Variants in GNAT3 observed in about 807,000 individuals in gnomAD.
The protein encoded by GNAT3 is guanine nucleotide-binding protein G(t) subunit alpha-3.
In GNAT3, 31 loss-of-function variants were observed where a neutral mutation model predicts 37.7. The ratio of observed to expected loss-of-function variants is 0.82; its 90% confidence interval spans 0.62 to 1.11. GNAT3 has a LOEUF of 1.11. Among genes scored for constraint, GNAT3 ranks in the 50% most tolerant of loss-of-function variants. GNAT3 has a pLI of 0.00. For missense variants in GNAT3, 437 were observed against 412.5 expected (o/e 1.06, Z -0.51); for synonymous variants, 138 against 139.8 (o/e 0.99, Z 0.09).
intron 5 of GNAT3, among the ~76,000 whole-genome samples, chr7:80,465,753 C>CA (rs1489341989): frequency 1.3e-5 from 2 of 151,848 alleles, no homozygotes; most frequent in East Asian, 3.9e-4. Context: ...GGTCACTGGG[C>CA]AAAAAAATTA....
At chr7:80,467,238 T>C (rs1230381946) in intron 5 of GNAT3, among the ~76,000 whole-genome samples, 1 of 152,144 alleles carries the variant, frequency 6.6e-6, no homozygotes, top group Admixed American at 6.5e-5. Flanking sequence ...TAGCATTTTG[T>C]TCATATAGAT....
chr7:80,462,123 A>G, intron 7 of GNAT3, 36 bp downstream of exon 7: 3 of 1,326,454 alleles, frequency 2.3e-6, no homozygotes, highest in Non-Finnish European at 3.1e-6. Flanking sequence ...TTATACAAAA[A>G]TTTATTTCTA....
At chr7:80,500,770 C>T (rs1031555161) in intron 1 of GNAT3, among the ~76,000 whole-genome samples, 1 of 151,954 alleles carries the variant, frequency 6.6e-6, no homozygotes, top group Non-Finnish European at 1.5e-5. Flanking sequence ...TATTTTTTGG[C>T]ACCTCCTGAC....
At chr7:80,469,912 TCTAA>T (rs937869204) in intron 5 of GNAT3, among the ~76,000 whole-genome samples, 4 of 152,220 alleles carry the variant, frequency 2.6e-5, no homozygotes, top group Admixed American at 2.6e-4. Flanking sequence ...TCTTAATTGC[TCTAA>T]CTAAACTTAA....
intron 3 of GNAT3, among the ~76,000 whole-genome samples, chr7:80,482,273 T>C (rs1194907137): frequency 1.3e-5 from 2 of 152,276 alleles, no homozygotes; most frequent in East Asian, 3.9e-4. Flanking sequence ...TTCAGTGAAA[T>C]ATGCTCTGGT....
intron 2 of GNAT3, among the ~76,000 whole-genome samples, chr7:80,492,031 A>G (rs10250561): frequency 6.6e-6 from 1 of 151,982 alleles, no homozygotes; most frequent in South Asian, 2.1e-4. Flanking sequence ...ATCATACTTG[A>G]GATTAAAATG....
chr7:80,489,707 G>T (rs771993340), intron 2 of GNAT3, among the ~76,000 whole-genome samples: 59 of 152,120 alleles, frequency 3.9e-4, no homozygotes, highest in Middle Eastern at 3.4e-3. Context: ...TTGTCTTGCT[G>T]CATTAAACCA....
intron 2 of GNAT3, among the ~76,000 whole-genome samples, chr7:80,494,106 T>C (rs965951256): frequency 2.0e-5 from 3 of 152,208 alleles, no homozygotes; most frequent in African/African-American, 7.2e-5. Flanking sequence ...CTTTTGTCAT[T>C]ATTTCCTTAT....
At chr7:80,496,596 A>T (rs1430683481) in intron 1 of GNAT3, among the ~76,000 whole-genome samples, 1 of 152,208 alleles carries the variant, frequency 6.6e-6, no homozygotes, top group East Asian at 1.9e-4. Flanking sequence ...CTGCAAAGTA[A>T]ATTTCACGTT....
At chr7:80,487,683 T>G (rs1790514735) in intron 3 of GNAT3, 1 of 152,146 alleles carries the variant, frequency 6.6e-6, no homozygotes. Flanking sequence ...ATTGTTTCTA[T>G]AGCAAGGTTT....
At chr7:80,462,079 A>G in intron 7 of GNAT3, 80 bp downstream of exon 7, 1 of 893,946 alleles carries the variant, frequency 1.1e-6, no homozygotes, top group East Asian at 2.7e-5. Context: ...CCTCATAAGT[A>G]TTAAATGTCA....
intron 1 of GNAT3, among the ~76,000 whole-genome samples, chr7:80,505,918 C>T (rs1308815493): frequency 6.6e-6 from 1 of 152,090 alleles, no homozygotes; most frequent in Non-Finnish European, 1.5e-5. Flanking sequence ...TTATTGAAAG[C>T]AATGGCAAAA....
chr7:80,471,595 T>C, intron 5 of GNAT3, among the ~76,000 whole-genome samples: 1 of 152,088 alleles, frequency 6.6e-6, no homozygotes, highest in East Asian at 1.9e-4. Context: ...GCTGTCATTT[T>C]ATCCTCCCTC....
intron 1 of GNAT3, among the ~76,000 whole-genome samples, chr7:80,497,807 T>A (rs569290765): frequency 1.3e-5 from 2 of 151,984 alleles, no homozygotes; most frequent in East Asian, 3.9e-4. Context: ...ACCAAAGTAT[T>A]CAACTAGAAA....
At chr7:80,492,449 CCTT>C (rs1370593339) in intron 2 of GNAT3, among the ~76,000 whole-genome samples, 2 of 151,634 alleles carry the variant, frequency 1.3e-5, no homozygotes, top group Non-Finnish European at 2.9e-5. Context: ...CATATTAAAA[CCTT>C]CTCATATACA....
intron 1 of GNAT3, among the ~76,000 whole-genome samples, chr7:80,497,097 T>C (rs1790730641): frequency 6.6e-6 from 1 of 152,182 alleles, no homozygotes. Context: ...ACAAAGTTGA[T>C]AGATGCAAAA....
At chr7:80,504,920 T>C (rs976115903) in intron 1 of GNAT3, among the ~76,000 whole-genome samples, 1 of 152,120 alleles carries the variant, frequency 6.6e-6, no homozygotes, top group African/African-American at 2.4e-5. Flanking sequence ...TAGAAGAAAA[T>C]GAATAAGTAA....
chr7:80,508,352 G>A (rs1182985958), intron 1 of GNAT3, among the ~76,000 whole-genome samples: 1 of 151,660 alleles, frequency 6.6e-6, no homozygotes, highest in East Asian at 1.9e-4. Flanking sequence ...GAGGAGAAAG[G>A]AAAAATGGAA....
chr7:80,502,608 G>A (rs189691352), intron 1 of GNAT3, among the ~76,000 whole-genome samples: 17 of 151,954 alleles, frequency 1.1e-4, no homozygotes, highest in African/African-American at 3.9e-4. Flanking sequence ...TAAGGAAAAT[G>A]GAGGATTGAA....
Sources: allele counts gnomAD v4.1 joint callset (sites outside exome capture counted in the v4.1 genomes callset), GRCh38; gene constraint gnomAD v4.1.1; transcripts MANE v1.5; gene names NCBI Gene and HGNC (gene_info 2026-07-23, HGNC 2026-07-21).